WWOX: variants seen among roughly 807,000 people sequenced by gnomAD.
WWOX encodes WW domain containing oxidoreductase.
In WWOX, 69 loss-of-function variants were observed where a neutral mutation model predicts 46.2. The ratio of observed to expected loss-of-function variants is 1.49; its 90% CI spans 1.23 to 1.82. The LOEUF (loss-of-function observed/expected upper bound fraction) is 1.82. Ranked by LOEUF, WWOX falls within the 40% of genes most tolerant of loss-of-function variation. The pLI is 0.00. For synonymous variants in WWOX, 359 were observed against 202.6 expected (o/e 1.77, Z -6.56); for missense variants, 919 against 542.6 (o/e 1.69, Z -6.89).
chr16:78,976,732 C>T (rs914458031), intron 8 of WWOX, among the ~76,000 whole-genome samples: 1 of 152,202 alleles, frequency 6.6e-6, no homozygotes, highest in African/African-American at 2.4e-5. Flanking sequence ...CTACTTCTAT[C>T]TTCCCCACTC....
Position 78,472,787 on chromosome 16 carries a change from C to T in WWOX, c.1056+40035C>T, listed in dbSNP as rs543381347. On this transcript the variant is annotated intron_variant, in intron 8 of 8. Coordinates refer to ENST00000566780, the MANE Select transcript of WWOX (RefSeq NM_016373.4). ...TCTTGCCATTGTTCTCCAGCCTGGGCGACAAGAGTGAAACTCCATCTCAAA... is the reference window on the plus strand; with the variant it reads ...TCTTGCCATTGTTCTCCAGCCTGGGTGACAAGAGTGAAACTCCATCTCAAA... 2.2e-3 allele frequency among the ~76,000 whole-genome samples: 257 copies of T among 118,508 alleles called. 1 individual carries two copies. The highest frequency in any genetic ancestry group is 7.3e-3 in the African/African-American group (226 of 31,022). The allele number at this position is 118,508 out of a possible 152,430, so 77.7% of individuals were successfully genotyped here.
At chr16:78,203,549 T>C (rs1438168969) in intron 5 of WWOX, among the ~76,000 whole-genome samples, 1 of 152,176 alleles carries the variant, frequency 6.6e-6, no homozygotes, top group Non-Finnish European at 1.5e-5. Context: ...TATTCAATAA[T>C]ATAATTAGGC....
Position 79,211,761 on chromosome 16 carries a change from C to G in WWOX, c.1210C>G (p.Leu404Val). The change falls in exon 9 of 9, where the codon CTG becomes GTG. Residue 404 changes from leucine (L) to valine (V), a missense_variant. Transcript: ENST00000566780. ...GACCCTGTGGGCGCTCAGCGAGAGG[C>G]TGATCCAAGAACGGCTTGGCAGCCA... is the stretch of plus-strand genomic sequence containing the variant. ...ARTLWALSER[L>V]IQERLGSQSG 6.2e-7 allele frequency: 1 copy of G among 1,614,162 alleles called. No homozygotes were observed. The highest frequency in any genetic ancestry group is 1.7e-5 in the Admixed American group (1 of 60,020).
chr16:78,284,216 A>G (rs1222990949), intron 5 of WWOX, among the ~76,000 whole-genome samples: 1 of 152,188 alleles, frequency 6.6e-6, no homozygotes, highest in African/African-American at 2.4e-5. Context: ...TCGGGAGCCA[A>G]GTACTTTTTG....
At chr16:79,145,084 C>T (rs1431330992) in intron 8 of WWOX, among the ~76,000 whole-genome samples, 2 of 152,116 alleles carry the variant, frequency 1.3e-5, no homozygotes, top group African/African-American at 4.8e-5. Flanking sequence ...TGAATGGTGC[C>T]ACTGATTATG....
chr16:78,199,357 C>T (rs936904725), intron 5 of WWOX, among the ~76,000 whole-genome samples: 4 of 151,780 alleles, frequency 2.6e-5, no homozygotes, highest in African/African-American at 9.7e-5. Flanking sequence ...AGAACAACAA[C>T]GAAAAAACTC....
chr16:78,955,989 AACAAAAAAAAAC>A (rs1343897060), intron 8 of WWOX, among the ~76,000 whole-genome samples: 2 of 151,038 alleles, frequency 1.3e-5, no homozygotes, highest in African/African-American at 4.8e-5. Context: ...AAAAACAAAA[AACAAAAAAAAAC>A]ACAAAAAAAA....
At chr16:78,787,045 G>T (rs1007028594) in intron 8 of WWOX, among the ~76,000 whole-genome samples, 1 of 152,204 alleles carries the variant, frequency 6.6e-6, no homozygotes, top group Non-Finnish European at 1.5e-5. Flanking sequence ...GTATTCAGGA[G>T]GCTGAGGCAG....
At chr16:78,771,647 C>T (rs1000776028) in intron 8 of WWOX, among the ~76,000 whole-genome samples, 1 of 152,022 alleles carries the variant, frequency 6.6e-6, no homozygotes, top group African/African-American at 2.4e-5. Flanking sequence ...TGGTGGGTGT[C>T]TGTAATCCCA....
chr16:78,401,837 T>C (rs547287904), intron 6 of WWOX, among the ~76,000 whole-genome samples: 1 of 152,124 alleles, frequency 6.6e-6, no homozygotes, highest in African/African-American at 2.4e-5. Context: ...GTAGCTGGGA[T>C]TACAGGTGTG....
chr16:78,170,826 AG>A (rs2035132846), intron 5 of WWOX, among the ~76,000 whole-genome samples: 1 of 152,212 alleles, frequency 6.6e-6, no homozygotes, highest in South Asian at 2.1e-4. Context: ...TTATTGAGAA[AG>A]CAGAGAGATG....
chr16:78,622,386 T>C (rs1236650552), intron 8 of WWOX, among the ~76,000 whole-genome samples: 1 of 151,832 alleles, frequency 6.6e-6, no homozygotes, highest in East Asian at 1.9e-4. Context: ...CTACTAAAAA[T>C]ACAAAATTAG....
chr16:78,753,825 AATATATATATATATATAT>A (rs1159243014), intron 8 of WWOX, among the ~76,000 whole-genome samples: 2 of 21,352 alleles, frequency 9.4e-5, no homozygotes, highest in African/African-American at 2.0e-4. Context: ...AAAAAAAAAA[AATATATATATATATATAT>A]ATATATATAT....
intron 8 of WWOX, among the ~76,000 whole-genome samples, chr16:78,476,841 G>A (rs963482904): frequency 6.6e-6 from 1 of 152,020 alleles, no homozygotes; most frequent in Non-Finnish European, 1.5e-5. Context: ...AGGTTGTTTT[G>A]TTCGTTTTTC....
intron 8 of WWOX, chr16:78,898,829 A>T (rs752158742): frequency 2.0e-5 from 3 of 152,086 alleles, no homozygotes; most frequent in Non-Finnish European, 4.4e-5. Flanking sequence ...GAGGTCTTAT[A>T]CTTTTTTGTT....
At position 78,761,439 on chromosome 16, in the gene WWOX, C is replaced by T. The variant is rs78898418; in HGVS notation, c.1056+328687C>T. Among the ~76,000 whole-genome samples, 114 of 152,218 alleles carry T rather than the reference C, an allele frequency of 7.5e-4. 1 individual carries two copies. The East Asian group carries it at 0.019, about 26-fold the overall frequency. On this transcript the variant is annotated intron_variant, in intron 8 of 8. Coordinates refer to ENST00000566780, the MANE Select transcript of WWOX (RefSeq NM_016373.4). ...TTTAGTGCCCTCTCGGTTCCCAGAC[C>T]ATCAAACTCACCATTGTCACCGGGG...
intron 8 of WWOX, among the ~76,000 whole-genome samples, chr16:78,755,389 C>G (rs1425790192): frequency 1.3e-5 from 2 of 152,048 alleles, no homozygotes; most frequent in East Asian, 1.9e-4. Flanking sequence ...GTAAAGCAGG[C>G]CTTGTTGCTA....
At chr16:78,988,673 C>A (rs931255312) in intron 8 of WWOX, among the ~76,000 whole-genome samples, 1 of 152,124 alleles carries the variant, frequency 6.6e-6, no homozygotes, top group Non-Finnish European at 1.5e-5. Context: ...TTTTCAGGCA[C>A]GAAGACCAGT....
At chr16:78,837,179 A>T (rs1161569765) in intron 8 of WWOX, among the ~76,000 whole-genome samples, 1 of 152,200 alleles carries the variant, frequency 6.6e-6, no homozygotes, top group Non-Finnish European at 1.5e-5. Flanking sequence ...CTGCATGTAG[A>T]TGGCTTTTAT....
Sources: allele counts gnomAD v4.1 joint callset (sites outside exome capture counted in the v4.1 genomes callset), GRCh38; gene constraint gnomAD v4.1.1; transcripts MANE v1.5; gene names NCBI Gene and HGNC (gene_info 2026-07-23, HGNC 2026-07-21).